PLXDC2: variants seen among roughly 807,000 people sequenced by gnomAD.
The protein encoded by PLXDC2 is plexin domain containing 2, also known as plexin domain-containing protein 2.
In PLXDC2, 40 loss-of-function variants were observed where a neutral mutation model predicts 68.9. The ratio of observed to expected loss-of-function variants is 0.58; its 90% confidence interval spans 0.45 to 0.76. The LOEUF is 0.76. Among genes scored for constraint, PLXDC2 ranks in the 30% least tolerant of loss-of-function variants. PLXDC2 has a pLI of 0.00. For synonymous variants in PLXDC2, 243 were observed against 234.2 expected (o/e 1.04, Z -0.34); for missense variants, 644 against 661.9 (o/e 0.97, Z 0.30).
At chr10:19,914,087 AAAGAAGGGAGGG>A (rs1240280221) in intron 1 of PLXDC2, among the ~76,000 whole-genome samples, 3 of 150,068 alleles carry the variant, frequency 2.0e-5, no homozygotes, top group South Asian at 4.3e-4. Context: ...GGGAAGGAGG[AAAGAAGGGAGGG>A]AAGAAGGGAG....
intron 7 of PLXDC2, among the ~76,000 whole-genome samples, chr10:20,172,190 C>G (rs892330770): frequency 4.4e-5 from 6 of 136,592 alleles, no homozygotes; most frequent in African/African-American, 1.7e-4. Context: ...CCAACACACC[C>G]AATTCAATTT....
At chr10:19,993,185 TAC>T (rs1834779275) in intron 1 of PLXDC2, among the ~76,000 whole-genome samples, 1 of 152,214 alleles carries the variant, frequency 6.6e-6, no homozygotes, top group Non-Finnish European at 1.5e-5. Flanking sequence ...TAATCATTAA[TAC>T]AGTTTTATTC....
chr10:19,977,109 G>A (rs1268539265), intron 1 of PLXDC2, among the ~76,000 whole-genome samples: 1 of 152,068 alleles, frequency 6.6e-6, no homozygotes, highest in Admixed American at 6.6e-5. Context: ...TTATATTAGA[G>A]GCATTCTTCA....
intron 4 of PLXDC2, among the ~76,000 whole-genome samples, chr10:20,113,788 A>G (rs918322898): frequency 6.6e-6 from 1 of 152,172 alleles, no homozygotes; most frequent in Non-Finnish European, 1.5e-5. Flanking sequence ...TCTTTGGAAG[A>G]AAACATTCTC....
chr10:19,818,543 G>A (rs770149276), intron 1 of PLXDC2, among the ~76,000 whole-genome samples: 1 of 152,156 alleles, frequency 6.6e-6, no homozygotes, highest in Non-Finnish European at 1.5e-5. Context: ...TGGGGTGTAT[G>A]TGCAGGGAGG....
At chr10:19,901,373 C>A (rs1421455577) in intron 1 of PLXDC2, among the ~76,000 whole-genome samples, 1 of 152,078 alleles carries the variant, frequency 6.6e-6, no homozygotes, top group Non-Finnish European at 1.5e-5. Flanking sequence ...GCCATTCTTG[C>A]AGGAGTGAGG....
intron 6 of PLXDC2, among the ~76,000 whole-genome samples, chr10:20,148,293 T>C (rs967146216): frequency 3.3e-5 from 5 of 152,126 alleles, no homozygotes; most frequent in African/African-American, 9.6e-5. Flanking sequence ...GGTTGATTTC[T>C]TTGTTATATT....
At chr10:20,053,431 A>C (rs191422698) in intron 3 of PLXDC2, among the ~76,000 whole-genome samples, 39 of 152,236 alleles carry the variant, frequency 2.6e-4, no homozygotes, top group African/African-American at 8.9e-4. Flanking sequence ...TTTATATTAA[A>C]ATTCTCACAG....
intron 4 of PLXDC2, among the ~76,000 whole-genome samples, chr10:20,084,466 G>C (rs763182197): frequency 2.6e-5 from 4 of 152,044 alleles, no homozygotes; most frequent in Non-Finnish European, 4.4e-5. Flanking sequence ...AGTCATTCTG[G>C]GCTGACCTTA....
intron 1 of PLXDC2, among the ~76,000 whole-genome samples, chr10:19,995,958 GTGATGGGAACATAGGCA>G (rs1377112411): frequency 6.6e-6 from 1 of 152,212 alleles, no homozygotes; most frequent in East Asian, 1.9e-4. Flanking sequence ...TAAATTCTGT[GTGATGGGAACATAGGCA>G]TGATGGGGAC....
chr10:19,889,015 A>G (rs17679459), intron 1 of PLXDC2, among the ~76,000 whole-genome samples: 26,798 of 151,980 alleles, frequency 0.18, 2,645 homozygotes, highest in South Asian at 0.23. Flanking sequence ...CCATGGCTTA[A>G]TCTTGCAGAG....
intron 4 of PLXDC2, among the ~76,000 whole-genome samples, chr10:20,089,808 G>A (rs1199692404): frequency 6.6e-6 from 1 of 152,182 alleles, no homozygotes. Context: ...GAGCCCAAGA[G>A]AGAATAATAA....
chr10:19,902,318 G>A (rs189826279), intron 1 of PLXDC2, among the ~76,000 whole-genome samples: 83 of 152,150 alleles, frequency 5.5e-4, no homozygotes, highest in East Asian at 4.0e-3. Flanking sequence ...GGATGTGTTT[G>A]CATTTGTTTG....
intron 12 of PLXDC2, among the ~76,000 whole-genome samples, chr10:20,224,062 C>A (rs550558458): frequency 2.0e-5 from 3 of 151,282 alleles, no homozygotes; most frequent in Non-Finnish European, 2.9e-5. Flanking sequence ...GCAACCTCCA[C>A]CTTTTGGTTC....
intron 9 of PLXDC2, among the ~76,000 whole-genome samples, chr10:20,210,054 A>G (rs1379773045): frequency 6.6e-6 from 1 of 152,144 alleles, no homozygotes; most frequent in Non-Finnish European, 1.5e-5. Context: ...AGTACATGAG[A>G]TTTTACATAA....
chr10:20,040,200 G>A (rs146784459), intron 2 of PLXDC2, among the ~76,000 whole-genome samples: 17 of 152,200 alleles, frequency 1.1e-4, no homozygotes, highest in East Asian at 1.9e-4. Flanking sequence ...CTGAGGCAGC[G>A]ACTGGATTCC....
At chr10:19,898,773 A>G (rs1838107746) in intron 1 of PLXDC2, among the ~76,000 whole-genome samples, 1 of 152,184 alleles carries the variant, frequency 6.6e-6, no homozygotes, top group African/African-American at 2.4e-5. Context: ...TGACCTAGAA[A>G]AATTTCTTAT....
intron 9 of PLXDC2, among the ~76,000 whole-genome samples, chr10:20,198,574 A>T (rs1226661933): frequency 6.6e-6 from 1 of 152,126 alleles, no homozygotes; most frequent in South Asian, 2.1e-4. Context: ...ACAAAAATTT[A>T]CCCAACTCTG....
chr10:19,828,144 C>T (rs901947420), intron 1 of PLXDC2, among the ~76,000 whole-genome samples: 14 of 152,166 alleles, frequency 9.2e-5, no homozygotes, highest in Non-Finnish European at 1.6e-4. Context: ...TGTGCCTCTT[C>T]GCATCTTATC....
Sources: gnomAD v4.1 joint callset for allele counts (sites outside exome capture counted in the v4.1 genomes callset) on GRCh38, gnomAD v4.1.1 for gene constraint, MANE v1.5 for transcripts, NCBI Gene and HGNC (gene_info 2026-07-23, HGNC 2026-07-21) for gene names.